Variants in ZNF487 observed in about 807,000 individuals in gnomAD.
The protein encoded by ZNF487 is KRAB domain only 1.
Under a neutral mutation model 3.0 loss-of-function variants are expected in ZNF487, and 4 were observed. The ratio of observed to expected loss-of-function variants is 1.35; its 90% CI spans 0.66 to 3.08. The LOEUF is 3.08. Among genes scored for constraint, ZNF487 ranks in the 30% most tolerant of loss-of-function variants. The probability of loss-of-function intolerance (pLI) is 0.01; values close to 1 mark genes in which losing one functional copy is unlikely to be tolerated. For missense variants in ZNF487, 146 were observed against 98.7 expected (o/e 1.48, Z -2.03); for synonymous variants, 55 against 34.6 (o/e 1.59, Z -2.06).
In ZNF487 at chr10:43,448,839, A is replaced by T. The variant is rs190008094; in HGVS notation, c.-94+11577A>T. On this transcript the variant is annotated intron_variant, in intron 1 of 3. Transcript: ENST00000437590. ...TTCAAAAAAATAAATATATAAAAAT[A>T]AAAAAAATGAGCTGGGCATTGTGGC... is the stretch of plus-strand genomic sequence containing the variant. Among the ~76,000 whole-genome samples the T allele has an allele frequency of 2.0e-3, 299 of 151,036 alleles. 2 individuals are homozygous for T. The highest frequency in any genetic ancestry group is 6.8e-3 in the African/African-American group (281 of 41,052).
At chr10:43,498,114 C>CTTTTTTTTTTTT in the ZNF487 span, among the ~76,000 whole-genome samples, 7 of 24,616 alleles carry the variant, frequency 2.8e-4, no homozygotes, top group Non-Finnish European at 3.9e-4. Context: ...TTTTTTTTTT[C>CTTTTTTTTTTTT]TTTTTTTTTT....
chr10:43,501,556 A>G, the ZNF487 span, among the ~76,000 whole-genome samples: 1 of 152,138 alleles, frequency 6.6e-6, no homozygotes, highest in Non-Finnish European at 1.5e-5. Context: ...CCTGGTCAAC[A>G]TGGCGAAACC....
chr10:43,461,369 C>G (rs942284561), intron 1 of ZNF487, among the ~76,000 whole-genome samples: 1 of 150,952 alleles, frequency 6.6e-6, no homozygotes, highest in Non-Finnish European at 1.5e-5. Flanking sequence ...CAGGCTGGAG[C>G]GCAGTGGTGT....
At chr10:43,516,793 C>G in the ZNF487 span, among the ~76,000 whole-genome samples, 3 of 152,168 alleles carry the variant, frequency 2.0e-5, no homozygotes, top group African/African-American at 7.2e-5. Flanking sequence ...ATGTTAGCCT[C>G]CTTTGGCAAC....
At chr10:43,502,435 A>C in the ZNF487 span, among the ~76,000 whole-genome samples, 2 of 152,144 alleles carry the variant, frequency 1.3e-5, no homozygotes, top group South Asian at 4.1e-4. Flanking sequence ...TGATGAGTTA[A>C]TGGGTGCAGC....
the ZNF487 span, among the ~76,000 whole-genome samples, chr10:43,507,758 T>G: frequency 5.9e-5 from 9 of 152,122 alleles, no homozygotes; most frequent in Non-Finnish European, 1.2e-4. Flanking sequence ...CCTGGAGATA[T>G]TGATTGGCCC....
the ZNF487 span, among the ~76,000 whole-genome samples, chr10:43,492,601 G>A: frequency 4.3e-4 from 65 of 152,028 alleles, no homozygotes; most frequent in Admixed American, 1.2e-3. Context: ...ACAAGCGCCC[G>A]CCACCACGCC....
chr10:43,486,545 A>G (rs1841473654), downstream of ZNF487, among the ~76,000 whole-genome samples: 2 of 152,186 alleles, frequency 1.3e-5, no homozygotes, highest in Non-Finnish European at 2.9e-5. Context: ...AAAAAGTCTA[A>G]AAGAGATGAA....
chr10:43,476,218 T>C lies in ZNF487; in HGVS notation c.130+16T>C, dbSNP rs1294943593. Reference sequence around the variant, plus strand: ...AGCCACCTAGGTGAGTTAATAAATATATAGGAAGCTATAATCCCAGGGAGA... The same window carrying C: ...AGCCACCTAGGTGAGTTAATAAATACATAGGAAGCTATAATCCCAGGGAGA... On this transcript the variant is annotated intron_variant, in intron 3 of 3. Coordinates refer to ENST00000437590, the MANE Select transcript of ZNF487 (RefSeq NM_001355444.3). 1 of 713,202 alleles carries C rather than the reference T, an allele frequency of 1.4e-6. No homozygotes were observed. The highest frequency in any genetic ancestry group is 2.6e-6 in the Non-Finnish European group (1 of 384,172). 44.2% of individuals were successfully genotyped at this position (713,202 alleles called of 1,614,324 possible). A position where few individuals can be genotyped will look rare whatever the true frequency, so the allele number is the denominator to read the frequency against.
the ZNF487 span, among the ~76,000 whole-genome samples, chr10:43,517,389 C>A: frequency 6.6e-6 from 1 of 152,194 alleles, no homozygotes; most frequent in African/African-American, 2.4e-5. Flanking sequence ...GTTGGCCCAC[C>A]TTGGATGGAT....
chr10:43,477,409 G>C (rs1173249001), intron 3 of ZNF487, among the ~76,000 whole-genome samples: 1 of 151,668 alleles, frequency 6.6e-6, no homozygotes, highest in Non-Finnish European at 1.5e-5. Flanking sequence ...TGGCCAAGCT[G>C]GTCTCAAACT....
intron 1 of ZNF487, among the ~76,000 whole-genome samples, chr10:43,440,669 A>G (rs1036678140): frequency 1.3e-5 from 2 of 151,710 alleles, no homozygotes; most frequent in Middle Eastern, 3.2e-3. Context: ...AAAAAAAAAA[A>G]GAAAAAAAGA....
the ZNF487 span, among the ~76,000 whole-genome samples, chr10:43,510,168 G>A: frequency 6.6e-6 from 1 of 152,164 alleles, no homozygotes; most frequent in Admixed American, 6.5e-5. Context: ...TAACAAAAGA[G>A]GGAGGAAATA....
the ZNF487 span, among the ~76,000 whole-genome samples, chr10:43,508,106 C>CT: frequency 6.6e-6 from 1 of 152,154 alleles, no homozygotes; most frequent in African/African-American, 2.4e-5. Context: ...AAAAGCCACC[C>CT]TATGGCACCC....
intron 1 of ZNF487, among the ~76,000 whole-genome samples, chr10:43,465,777 A>G (rs963644033): frequency 8.5e-5 from 13 of 152,180 alleles, no homozygotes; most frequent in Non-Finnish European, 1.8e-4. Context: ...CTCACTTCCC[A>G]GATGGGGTGG....
the ZNF487 span, among the ~76,000 whole-genome samples, chr10:43,514,786 G>C: frequency 6.6e-6 from 1 of 152,160 alleles, no homozygotes; most frequent in Admixed American, 6.6e-5. Flanking sequence ...CAATTAGAGG[G>C]CTCTTCAAAG....
the ZNF487 span, among the ~76,000 whole-genome samples, chr10:43,489,928 G>A: frequency 7.9e-5 from 12 of 152,074 alleles, no homozygotes; most frequent in African/African-American, 2.7e-4. Context: ...CAGTATTCAC[G>A]TTACATACAA....
At chr10:43,496,829 G>A in the ZNF487 span, among the ~76,000 whole-genome samples, 1 of 151,880 alleles carries the variant, frequency 6.6e-6, no homozygotes, top group Non-Finnish European at 1.5e-5. Flanking sequence ...GCTCTTTGGG[G>A]GTCTTTTTTT....
the ZNF487 span, among the ~76,000 whole-genome samples, chr10:43,494,791 G>T: frequency 8.1e-4 from 77 of 95,138 alleles, no homozygotes; most frequent in South Asian, 0.015. Context: ...AAAAAAAAAA[G>T]CTGGGCATGG....
Sources: allele counts gnomAD v4.1 joint callset (sites outside exome capture counted in the v4.1 genomes callset), GRCh38; gene constraint gnomAD v4.1.1; transcripts MANE v1.5; gene names NCBI Gene and HGNC (gene_info 2026-07-23, HGNC 2026-07-21).